The following KCTD5 variants were observed in gnomAD, a reference collection of about 807,000 sequenced individuals.
KCTD5 encodes potassium channel tetramerization domain containing 5, also known as BTB/POZ domain-containing protein KCTD5.
KCTD5 carries 12 observed loss-of-function variants against 27.9 expected under a neutral mutation model. That is an observed-to-expected ratio of 0.43 (90% confidence interval 0.28 to 0.70). The LOEUF (loss-of-function observed/expected upper bound fraction) is 0.70. Ranked by LOEUF, KCTD5 falls within the 30% of genes least tolerant of loss-of-function variation. KCTD5 has a pLI of 0.19. For missense variants in KCTD5, 226 were observed against 274.8 expected, an observed-to-expected ratio of 0.82 and a Z score of 1.26; for synonymous variants, 147 against 121.4, an observed-to-expected ratio of 1.21 and a Z score of -1.39.
intron 1 of KCTD5, among the ~76,000 whole-genome samples, chr16:2,688,127 C>A (rs1252711593): frequency 2.6e-5 from 4 of 151,626 alleles, no homozygotes; most frequent in Non-Finnish European, 5.9e-5. Context: ...TGCCCCCGCC[C>A]CGTACCTGGT....
At chr16:2,705,846 G>C (rs989655516) in intron 5 of KCTD5, among the ~76,000 whole-genome samples, 1 of 152,192 alleles carries the variant, frequency 6.6e-6, no homozygotes, top group Non-Finnish European at 1.5e-5. Flanking sequence ...TTGGGAGGGC[G>C]AAGGACAGCA....
Position 2,699,760 on chromosome 16 carries a change from G to A in KCTD5, c.454-61G>A, listed in dbSNP as rs1235511245. On this transcript the variant is annotated intron_variant, in intron 3 of 5. Transcript: ENST00000301738. ...AGCCTCCCTGGGTCACCTGGGCTGG[G>A]GCCACAGGCAGCAGTGGGACATGGG... 9 of 1,503,388 alleles carry A rather than the reference G, an allele frequency of 6.0e-6. No homozygotes were observed. In the East Asian group the frequency reaches 1.8e-4, roughly 30 times the overall value. The allele number at this position is 1,503,388 out of a possible 1,614,324, so 93.1% of individuals were successfully genotyped here.
chr16:2,682,951 C>A, intron 1 of KCTD5, 151 bp downstream of exon 1: 1 of 979,422 alleles, frequency 1.0e-6, no homozygotes, highest in Admixed American at 3.9e-5. Context: ...CAGCTCCTCC[C>A]CAGCTTGCCC....
chr16:2,688,247 T>TATAAATATATATATATA (rs1567193128), intron 1 of KCTD5, among the ~76,000 whole-genome samples: 1 of 106,108 alleles, frequency 9.4e-6, no homozygotes, highest in Non-Finnish European at 1.9e-5. Flanking sequence ...ATATATATAT[T>TATAAATATATATATATA]TATTTATTTA....
Position 2,707,881 on chromosome 16 carries a change from C to A in KCTD5, c.*554C>A. On this transcript the variant is annotated 3_prime_UTR_variant, in exon 6 of 6. Coordinates refer to ENST00000301738, the MANE Select transcript of KCTD5 (RefSeq NM_018992.4). ...CTGCGTCGTCACTGCTTCCCGGCGC[C>A]ATTCCGAGGCCGGGCCTTCTTCTGA... is the stretch of plus-strand genomic sequence containing the variant. 1 of 173,954 alleles carries A rather than the reference C, an allele frequency of 5.7e-6. No individual in the cohort carries two copies. The highest frequency in any genetic ancestry group is 1.2e-5 in the Non-Finnish European group (1 of 82,606). 10.8% of individuals were successfully genotyped at this position (173,954 alleles called of 1,614,324 possible).
At chr16:2,702,294 A>G in intron 4 of KCTD5, 59 bp from the exon 5 acceptor site, 1 of 1,606,064 alleles carries the variant, frequency 6.2e-7, no homozygotes, top group East Asian at 2.2e-5. Flanking sequence ...TGGTCATGTC[A>G]GCCTGGCTGG....
chr16:2,703,590 G>A (rs2067621927), intron 5 of KCTD5, among the ~76,000 whole-genome samples: 1 of 152,192 alleles, frequency 6.6e-6, no homozygotes, highest in Non-Finnish European at 1.5e-5. Context: ...TTGGAGGTAT[G>A]CCCTTGGGAA....
At position 2,707,597 on chromosome 16, in the gene KCTD5, G is replaced by A. The variant is rs890097861; in HGVS notation, c.*270G>A. ...GCTCTGTTTTTTCCAAGTGCCACGT[G>A]GGACTGAGGCAGACACTCCCAGTCA... On this transcript the variant is annotated 3_prime_UTR_variant, in exon 6 of 6. Transcript: ENST00000301738. 3.3e-6 allele frequency: 2 copies of A among 611,952 alleles called. No homozygotes were observed. The highest frequency in any genetic ancestry group is 5.8e-6 in the Non-Finnish European group (2 of 344,096). 37.9% of individuals were successfully genotyped at this position (611,952 alleles called of 1,614,324 possible). A position where few individuals can be genotyped will look rare whatever the true frequency, so the allele number is the denominator to read the frequency against.
intron 5 of KCTD5, among the ~76,000 whole-genome samples, chr16:2,704,884 C>T (rs572842222): frequency 5.9e-5 from 9 of 152,312 alleles, no homozygotes; most frequent in South Asian, 2.1e-4. Flanking sequence ...AGAGGCCAGG[C>T]GCCTCTGGAC....
chr16:2,697,099 C>CA (rs1286337306), intron 2 of KCTD5: 1 of 152,444 alleles, frequency 6.6e-6, no homozygotes, highest in Non-Finnish European at 1.5e-5. Flanking sequence ...GTGCGGGACC[C>CA]ATGCGGGGCC....
chr16:2,699,214 C>G (rs1397010847), intron 3 of KCTD5: 1 of 456,082 alleles, frequency 2.2e-6, no homozygotes, highest in African/African-American at 2.0e-5. Context: ...GCCACCCCGC[C>G]CACTGGGGAG....
rs978432530 is a variant in KCTD5, at chr16:2,700,214, G to A, written c.549+298G>A. Among the ~76,000 whole-genome samples, 5 of 152,308 alleles carry A rather than the reference G, an allele frequency of 3.3e-5. No homozygotes were observed. The South Asian group carries it at 8.3e-4, about 25-fold the overall frequency. ...CATCTGGCACCTCTGTGTGAGGGAG[G>A]GGACTGGCGTCCCCAGAGCCTCCTG... On this transcript the variant is annotated intron_variant, in intron 4 of 5. Transcript: ENST00000301738.
At chr16:2,703,945 C>G (rs563281480) in intron 5 of KCTD5, among the ~76,000 whole-genome samples, 1 of 152,166 alleles carries the variant, frequency 6.6e-6, no homozygotes, top group Non-Finnish European at 1.5e-5. Flanking sequence ...TTGGAGCAAT[C>G]GTAGGGCTCT....
chr16:2,707,563 G>C lies in KCTD5; in HGVS notation c.*236G>C, dbSNP rs557149248. 5 of 633,424 alleles carry C rather than the reference G, an allele frequency of 7.9e-6. No individual in the cohort carries two copies. Among genetic ancestry groups the C allele is most frequent in the African/African-American group, 5.5e-5 (3 of 54,840 alleles). The allele number at this position is 633,424 out of a possible 1,614,324, so 39.2% of individuals were successfully genotyped here. Reference sequence around the variant, plus strand: ...CGGCCGGGTGGGCGCTGCCTCTTGGGGGGGCCTCGCTCTGTTTTTTCCAAG... The same window carrying C: ...CGGCCGGGTGGGCGCTGCCTCTTGGCGGGGCCTCGCTCTGTTTTTTCCAAG... On this transcript the variant is annotated 3_prime_UTR_variant, in exon 6 of 6. Coordinates refer to ENST00000301738, the MANE Select transcript of KCTD5 (RefSeq NM_018992.4).
intron 1 of KCTD5, among the ~76,000 whole-genome samples, 155 bp downstream of exon 1, chr16:2,682,955 C>T (rs1006084454): frequency 1.3e-5 from 2 of 152,210 alleles, no homozygotes; most frequent in African/African-American, 4.8e-5. Flanking sequence ...TCCTCCCCAG[C>T]TTGCCCCGAT....
intron 1 of KCTD5, among the ~76,000 whole-genome samples, chr16:2,688,656 G>A (rs1295835344): frequency 7.3e-5 from 9 of 123,292 alleles, no homozygotes; most frequent in African/African-American, 1.6e-4. Flanking sequence ...GTGATGCACC[G>A]GAGGTCCCTG....
At chr16:2,704,525 A>G (rs2067626404) in intron 5 of KCTD5, among the ~76,000 whole-genome samples, 1 of 152,268 alleles carries the variant, frequency 6.6e-6, no homozygotes, top group Admixed American at 6.5e-5. Context: ...AAGGACTCGC[A>G]GAGCTCACTG....
At chr16:2,690,544 G>A (rs940888910) in intron 1 of KCTD5, among the ~76,000 whole-genome samples, 1 of 152,242 alleles carries the variant, frequency 6.6e-6, no homozygotes, top group African/African-American at 2.4e-5. Context: ...AAACCACCAC[G>A]AACCTTCCTG....
chr16:2,705,282 G>A (rs1352319812), intron 5 of KCTD5, among the ~76,000 whole-genome samples: 5 of 152,096 alleles, frequency 3.3e-5, no homozygotes, highest in African/African-American at 4.8e-5. Context: ...TGTAGTTGAC[G>A]AGAGCCGTCC....
Sources: allele counts gnomAD v4.1 joint callset (sites outside exome capture counted in the v4.1 genomes callset), GRCh38; gene constraint gnomAD v4.1.1; transcripts MANE v1.5; gene names NCBI Gene and HGNC (gene_info 2026-07-23, HGNC 2026-07-21).